Variants in ABCC11 observed in about 807,000 individuals in gnomAD.
ABCC11 encodes ATP-binding cassette sub-family C member 11.
A neutral mutation model predicts 149.3 loss-of-function variants in ABCC11; 135 were observed. That is an observed-to-expected ratio of 0.90 (90% CI 0.79 to 1.04). The LOEUF (loss-of-function observed/expected upper bound fraction) is 1.04, where lower values mean the gene tolerates loss of function less well. ABCC11 is among the 50% of genes least tolerant of loss of function. ABCC11 has a pLI of 0.00. For synonymous variants in ABCC11, 665 were observed against 671.4 expected, an observed-to-expected ratio of 0.99 and a Z score of 0.15; for missense variants, 1,680 against 1,722.1, an observed-to-expected ratio of 0.98 and a Z score of 0.43.
At position 48,166,694 on chromosome 16, in the gene ABCC11, G is replaced by A. The variant is rs924471114; in HGVS notation, c.*580C>T. Among the ~76,000 whole-genome samples, 19 of 152,052 alleles carry A rather than the reference G, an allele frequency of 1.2e-4. No individual in the cohort carries two copies. Among genetic ancestry groups the A allele is most frequent in the African/African-American group, 3.9e-4 (16 of 41,372 alleles). On this transcript the variant is annotated 3_prime_UTR_variant, in exon 30 of 30. Transcript: ENST00000356608. ...AGCCTGGCCAACATGGTGAAACCCC[G>A]CCTCTACTAAAAATACAAAAATTAG...
intron 26 of ABCC11, among the ~76,000 whole-genome samples, chr16:48,174,461 C>A (rs369395434): frequency 6.6e-6 from 1 of 152,212 alleles, no homozygotes; most frequent in African/African-American, 2.4e-5. Context: ...AGTCCCCATG[C>A]CTTGATGTTT....
intron 28 of ABCC11, among the ~76,000 whole-genome samples, chr16:48,169,129 T>C (rs992925264): frequency 4.6e-5 from 7 of 152,176 alleles, no homozygotes; most frequent in African/African-American, 1.7e-4. Flanking sequence ...CTAATAAAGA[T>C]AAAAGGGATG....
chr16:48,217,182 A>G (rs1304722611), intron 6 of ABCC11, among the ~76,000 whole-genome samples: 1 of 152,182 alleles, frequency 6.6e-6, no homozygotes, highest in Non-Finnish European at 1.5e-5. Context: ...TATATTCCAG[A>G]GAATTGCTTC....
chr16:48,200,482 G>T lies in ABCC11; in HGVS notation c.1879-3C>A, dbSNP rs565101398. ...AGGTTGAGGCCCCGCTCTCCAATCTGCAGACAGGCAGTAAAAGGCACCATG... is the reference window on the plus strand; with the variant it reads ...AGGTTGAGGCCCCGCTCTCCAATCTTCAGACAGGCAGTAAAAGGCACCATG... On this transcript the variant is annotated splice_polypyrimidine_tract_variant and splice_region_variant and intron_variant, in intron 14 of 29. Transcript: ENST00000356608. 14 of 1,613,444 alleles carry T rather than the reference G, an allele frequency of 8.7e-6. No individual in the cohort carries two copies. The highest frequency in any genetic ancestry group is 9.3e-6 in the Non-Finnish European group (11 of 1,179,794).
intron 27 of ABCC11, among the ~76,000 whole-genome samples, 179 bp from the exon 28 acceptor site, chr16:48,170,397 C>T (rs764688627): frequency 6.6e-6 from 1 of 152,298 alleles, no homozygotes; most frequent in African/African-American, 2.4e-5. Flanking sequence ...CCTTTGCATA[C>T]GCTAGCTCCT....
chr16:48,232,127 A>G, intron 1 of ABCC11, 188 bp from the exon 2 acceptor site: 1 of 1,311,992 alleles, frequency 7.6e-7, no homozygotes, highest in Non-Finnish European at 9.8e-7. Context: ...ACATCTTCTC[A>G]GGCCTCAGGC....
At chr16:48,206,918 C>T (rs999714019) in intron 12 of ABCC11, among the ~76,000 whole-genome samples, 4 of 152,110 alleles carry the variant, frequency 2.6e-5, no homozygotes, top group South Asian at 4.1e-4. Flanking sequence ...CACAGGACTT[C>T]GCATGTAAGT....
chr16:48,182,290 G>T (rs1966488271), intron 23 of ABCC11, among the ~76,000 whole-genome samples: 1 of 152,164 alleles, frequency 6.6e-6, no homozygotes, highest in Non-Finnish European at 1.5e-5. Context: ...ACATGCCTGT[G>T]TGTGCAGAGC....
chr16:48,175,554 G>T, intron 25 of ABCC11, 137 bp from the exon 26 acceptor site: 1 of 1,055,860 alleles, frequency 9.5e-7, no homozygotes, highest in Non-Finnish European at 1.3e-6. Flanking sequence ...GAAGGGGTAG[G>T]AGAGGGCTGG....
chr16:48,175,146 A>G lies in ABCC11; in HGVS notation c.3698+112T>C. The G allele has an allele frequency of 1.5e-5, 20 of 1,378,546 alleles. No individual in the cohort carries two copies. In the South Asian group the frequency reaches 3.0e-4, roughly 20 times the overall value. The allele number at this position is 1,378,546 out of a possible 1,614,324, so 85.4% of individuals were successfully genotyped here. On this transcript the variant is annotated intron_variant, in intron 26 of 29. Coordinates refer to ENST00000356608, the MANE Select transcript of ABCC11 (RefSeq NM_001370497.1). Reference sequence around the variant, plus strand: ...TAGGCATGAGTGGCCCAGCAGGCCAAGGAGGCCTGGAAATCGGGGCATTGG... The same window carrying G: ...TAGGCATGAGTGGCCCAGCAGGCCAGGGAGGCCTGGAAATCGGGGCATTGG...
Position 48,167,253 on chromosome 16 carries a change from C to G in ABCC11, c.*21G>C, listed in dbSNP as rs756221716. Reference sequence around the variant, plus strand: ...AACCTCTGAGCTCAGCTGCCAGCCTCCATGAAGTCTCCACATCTCCTTATC... The same window carrying G: ...AACCTCTGAGCTCAGCTGCCAGCCTGCATGAAGTCTCCACATCTCCTTATC... On this transcript the variant is annotated 3_prime_UTR_variant, in exon 30 of 30. Transcript: ENST00000356608. 1 of 791,360 alleles carries G rather than the reference C, an allele frequency of 1.3e-6. No individual in the cohort carries two copies. Among genetic ancestry groups the G allele is most frequent in the Non-Finnish European group, 2.3e-6 (1 of 428,620 alleles). 49.0% of individuals were successfully genotyped at this position (791,360 alleles called of 1,614,324 possible).
At chr16:48,230,319 G>A (rs2150917855) in intron 3 of ABCC11, 118 bp downstream of exon 3, 1 of 1,270,136 alleles carries the variant, frequency 7.9e-7, no homozygotes, top group Non-Finnish European at 1.1e-6. Flanking sequence ...CTGCTCTGAA[G>A]GGATTTGGCT....
chr16:48,227,099 C>T (rs894370909), intron 4 of ABCC11, among the ~76,000 whole-genome samples: 1 of 152,156 alleles, frequency 6.6e-6, no homozygotes, highest in Non-Finnish European at 1.5e-5. Flanking sequence ...GACTGGGCCA[C>T]TTACCCAAAG....
intron 24 of ABCC11, among the ~76,000 whole-genome samples, chr16:48,177,350 C>T (rs1761578056): frequency 6.6e-6 from 1 of 152,200 alleles, no homozygotes; most frequent in Admixed American, 6.5e-5. Context: ...TTGTTATTAA[C>T]ATAGAGCAAT....
chr16:48,167,307 G>T lies in ABCC11; in HGVS notation c.4116C>A (p.Ala1372=), dbSNP rs372939492. Residue 1372 remains alanine (A), a synonymous_variant, in exon 30 of 30, where the codon GCC becomes GCA. Coordinates refer to ENST00000356608, the MANE Select transcript of ABCC11 (RefSeq NM_001370497.1). ...LRKKPGSLFA[A]LMATATSSLR ...GTGAAGAAGTGGCTGTGGCCATGAGGGCTGCGAACAATGACCCAGGCTTCT... is the reference window on the plus strand; with the variant it reads ...GTGAAGAAGTGGCTGTGGCCATGAGTGCTGCGAACAATGACCCAGGCTTCT... 4.5e-6 allele frequency: 4 copies of T among 881,220 alleles called. No homozygotes were observed. Among genetic ancestry groups the T allele is most frequent in the Non-Finnish European group, 7.8e-6 (4 of 509,826 alleles). 54.6% of individuals were successfully genotyped at this position (881,220 alleles called of 1,614,324 possible).
chr16:48,198,262 CA>C lies in ABCC11; in HGVS notation c.2095del (p.Cys699ValfsTer21). 6.2e-7 allele frequency: 1 copy of C among 1,614,140 alleles called. No homozygotes were observed. The highest frequency in any genetic ancestry group is 1.1e-5 in the South Asian group (1 of 91,076). ...VTHQLQYLEF[C>X]GQIILLENGK... The stretch of plus-strand genomic sequence containing the variant: ...ATTTTCCAACAAAATGATCTGGCCA[CA>C]AAATTCTAAGTACTGGACAGTCAAA... On this transcript the variant is annotated frameshift_variant, in exon 16 of 30. Transcript: ENST00000356608. LOFTEE classifies it high-confidence loss of function.
Position 48,196,255 on chromosome 16 carries a change from T to A in ABCC11, c.2381A>T (p.His794Leu). The A allele has an allele frequency of 6.2e-7, 1 of 1,614,120 alleles. No individual in the cohort carries two copies. The highest frequency in any genetic ancestry group is 1.1e-5 in the South Asian group (1 of 91,070). Residue 794 changes from histidine to leucine, a missense_variant, in exon 18 of 30, where the codon CAC (histidine) becomes CTC (leucine). Coordinates refer to ENST00000356608, the MANE Select transcript of ABCC11 (RefSeq NM_001370497.1). ...ACCTCCAGCTGCCTGGATGTAGTGG[T>A]GGTAGACCCTCCAACTCAAGGAGCC... Reference protein sequence around the residue: ...EEGSLSWRVYHHYIQAAGGYM... With the variant: ...EEGSLSWRVYLHYIQAAGGYM...
At position 48,187,226 on chromosome 16, in the gene ABCC11, T is replaced by C. The variant is rs41280943; in HGVS notation, c.2908A>G (p.Met970Val). The change falls in exon 21 of 30, where the codon ATG (methionine) becomes GTG (valine). Residue 970 changes from methionine to valine, a missense_variant. Met to Val is a conservative substitution (Grantham distance 21). Transcript: ENST00000356608. Reference protein sequence around the residue: ...PYILLMGAIIMVICFIYYMMF... With the variant: ...PYILLMGAIIVVICFIYYMMF... ...ATATAATAAATGAAGCAAATAACCA[T>C]GATTATGGCTCCCATTAACAGGATA... The C allele has an allele frequency of 7.8e-3, 12,539 of 1,614,046 alleles. 69 individuals are homozygous for C. Among genetic ancestry groups the C allele is most frequent in the Middle Eastern group, 0.015 (91 of 6,062 alleles).
chr16:48,224,529 A>G, intron 4 of ABCC11, 100 bp from the exon 5 acceptor site: 4 of 1,345,268 alleles, frequency 3.0e-6, no homozygotes, highest in Non-Finnish European at 4.1e-6. Flanking sequence ...AAATTTTCAA[A>G]CATAACAGAA....
Sources: gnomAD v4.1 joint callset for allele counts (sites outside exome capture counted in the v4.1 genomes callset) on GRCh38, gnomAD v4.1.1 for gene constraint, MANE v1.5 for transcripts, NCBI Gene and HGNC (gene_info 2026-07-23, HGNC 2026-07-21) for gene names.